The following NUDT5 variants were observed in gnomAD, a reference collection of about 807,000 sequenced individuals.
The protein encoded by NUDT5 is nudix hydrolase 5.
A neutral mutation model predicts 34.1 loss-of-function variants in NUDT5; 21 were observed. The observed-to-expected ratio is 0.62, with a 90% confidence interval of 0.44 to 0.89. The LOEUF (loss-of-function observed/expected upper bound fraction) is 0.89, where lower values mean the gene tolerates loss of function less well. Ranked by LOEUF, NUDT5 falls within the 40% of genes least tolerant of loss-of-function variation. The probability of loss-of-function intolerance (pLI) is 0.00; values close to 1 mark genes in which losing one functional copy is unlikely to be tolerated. For synonymous variants in NUDT5, 85 were observed against 97.6 expected (o/e 0.87, Z 0.76); for missense variants, 249 against 274.8 (o/e 0.91, Z 0.66).
At position 12,173,006 on chromosome 10, in the gene NUDT5, G is replaced by C. The variant is rs1834885395; in HGVS notation, c.386-140C>G. 1.4e-5 allele frequency: 9 copies of C among 634,490 alleles called. No individual in the cohort carries two copies. Among genetic ancestry groups the C allele is most frequent in the East Asian group, 2.8e-5 (1 of 36,206 alleles). 39.3% of individuals were successfully genotyped at this position (634,490 alleles called of 1,614,324 possible). A position where few individuals can be genotyped will look rare whatever the true frequency, so the allele number is the denominator to read the frequency against. On this transcript the variant is annotated intron_variant, in intron 6 of 9. Transcript: ENST00000491614. This position sits in a 1 kb window ranked among gnomAD's most constrained non-coding sequence, Gnocchi z 4.7. The stretch of plus-strand genomic sequence containing the variant: ...AACTAGTTCTCACATTTGGTAGGCA[G>C]ATCTGCAGGCTGCAAAGCATCTGGG...
At chr10:12,189,717 G>A (rs956165425) in intron 1 of NUDT5, among the ~76,000 whole-genome samples, 7 of 152,174 alleles carry the variant, frequency 4.6e-5, no homozygotes, top group African/African-American at 1.4e-4. Flanking sequence ...GTAAGCCAGC[G>A]TCTCCGCCAC....
chr10:12,186,714 GC>G (rs1365949037), intron 1 of NUDT5, among the ~76,000 whole-genome samples: 1 of 149,806 alleles, frequency 6.7e-6, no homozygotes, highest in Non-Finnish European at 1.5e-5. Flanking sequence ...TGCAACCTCC[GC>G]CTCCTGGGTT....
chr10:12,178,288 C>A (rs764585292), intron 4 of NUDT5, among the ~76,000 whole-genome samples: 1 of 151,498 alleles, frequency 6.6e-6, no homozygotes, highest in Non-Finnish European at 1.5e-5. Context: ...CAACTTTGAG[C>A]AAGAAATCAA....
Position 12,169,999 on chromosome 10 carries a change from C to A in NUDT5, c.550+718G>T. On this transcript the variant is annotated intron_variant, in intron 9 of 9. Coordinates refer to ENST00000491614, the MANE Select transcript of NUDT5 (RefSeq NM_014142.4). This position sits in a 1 kb window ranked among gnomAD's most constrained non-coding sequence, Gnocchi z 4.8. ...TTCTAGATGAGTGAAAGGGATTTGCCAGCCCATACAGAGGTGCTCCTTGAA... is the reference window on the plus strand; with the variant it reads ...TTCTAGATGAGTGAAAGGGATTTGCAAGCCCATACAGAGGTGCTCCTTGAA... 1.1e-6 allele frequency: 1 copy of A among 894,580 alleles called. No homozygotes were observed. Among genetic ancestry groups the A allele is most frequent in the Non-Finnish European group, 1.8e-6 (1 of 564,296 alleles). 55.4% of individuals were successfully genotyped at this position (894,580 alleles called of 1,614,324 possible). A position where few individuals can be genotyped will look rare whatever the true frequency, so the allele number is the denominator to read the frequency against.
intron 3 of NUDT5, among the ~76,000 whole-genome samples, chr10:12,183,601 C>T (rs1031166244): frequency 4.6e-5 from 7 of 152,154 alleles, no homozygotes; most frequent in African/African-American, 1.7e-4. Context: ...AAATTTCATC[C>T]TCATTCTGTT....
chr10:12,177,551 G>A (rs964202190), intron 5 of NUDT5, among the ~76,000 whole-genome samples: 3 of 152,146 alleles, frequency 2.0e-5, no homozygotes, highest in Non-Finnish European at 4.4e-5. Flanking sequence ...AAAAAAGGCT[G>A]GAGGCAGCAT....
intron 9 of NUDT5, 35 bp from the exon 10 acceptor site, chr10:12,167,846 C>A: frequency 6.2e-7 from 1 of 1,610,524 alleles, no homozygotes; most frequent in South Asian, 1.1e-5. Flanking sequence ...TAGATCATGC[C>A]GTTAAGGAAG....
Position 12,173,181 on chromosome 10 carries a change from T to C in NUDT5, c.386-315A>G, listed in dbSNP as rs2399786. Reference sequence around the variant, plus strand: ...GCACATGCATGAGATGGGTGAGCAATAAAACTCAGGGGGTAGGAAATTCCT... The same window carrying C: ...GCACATGCATGAGATGGGTGAGCAACAAAACTCAGGGGGTAGGAAATTCCT... On this transcript the variant is annotated intron_variant, in intron 6 of 9. Coordinates refer to ENST00000491614, the MANE Select transcript of NUDT5 (RefSeq NM_014142.4). The surrounding 1 kb of genome is among the most constrained non-coding windows in gnomAD (Gnocchi z 4.7). Among the ~76,000 whole-genome samples, 78,860 of 152,030 alleles carry C rather than the reference T, an allele frequency of 0.52. 20,598 individuals are homozygous for C. The highest frequency in any genetic ancestry group is 0.63 in the South Asian group (3,025 of 4,826).
chr10:12,179,144 G>C lies in NUDT5; in HGVS notation c.132-12C>G, dbSNP rs771725877. 6.2e-7 allele frequency: 1 copy of C among 1,608,686 alleles called. No individual in the cohort carries two copies. Among genetic ancestry groups the C allele is most frequent in the Non-Finnish European group, 8.5e-7 (1 of 1,178,338 alleles). On this transcript the variant is annotated splice_polypyrimidine_tract_variant and intron_variant, in intron 3 of 9. Transcript: ENST00000491614. ...CTGATTCCCAAGTTCTGTTCAGGCA[G>C]AGAAGAAAAAAAAGTCATTAGTGCT...
At chr10:12,172,573 G>T in intron 7 of NUDT5, 192 bp downstream of exon 7, 1 of 597,134 alleles carries the variant, frequency 1.7e-6, no homozygotes, top group Non-Finnish European at 3.0e-6. Context: ...AAAGCGTAAA[G>T]ATGAATGAAG....
rs781682171 is a variant in NUDT5, at chr10:12,166,115, T to C, written c.*1587A>G. ...AGGGATACATTCTAGGATTTGGCTCTGACTTCTAAGTTGCACTCTTAGGAA... is the reference window on the plus strand; with the variant it reads ...AGGGATACATTCTAGGATTTGGCTCCGACTTCTAAGTTGCACTCTTAGGAA... On this transcript the variant is annotated 3_prime_UTR_variant, in exon 10 of 10. Coordinates refer to ENST00000491614, the MANE Select transcript of NUDT5 (RefSeq NM_014142.4). 5.3e-5 allele frequency: 8 copies of C among 152,272 alleles called. No homozygotes were observed. Among genetic ancestry groups the C allele is most frequent in the Non-Finnish European group, 8.8e-5 (6 of 68,048 alleles). 9.4% of individuals were successfully genotyped at this position (152,272 alleles called of 1,614,324 possible).
In NUDT5 at chr10:12,169,527, G is replaced by A. The variant is rs905176456; in HGVS notation, c.550+1190C>T. On this transcript the variant is annotated intron_variant, in intron 9 of 9. Transcript: ENST00000491614. The surrounding 1 kb of genome is among the most constrained non-coding windows in gnomAD (Gnocchi z 4.8). ...CTGTGACTCCGAGCTGCGCTGCCTC[G>A]TATTGATTGTCATGCCTTTCTCCAA... 3 of 493,272 alleles carry A rather than the reference G, an allele frequency of 6.1e-6. No individual in the cohort carries two copies. The highest frequency in any genetic ancestry group is 2.0e-5 in the African/African-American group (1 of 50,794). 30.6% of individuals were successfully genotyped at this position (493,272 alleles called of 1,614,324 possible).
chr10:12,166,934 A>T lies in NUDT5; in HGVS notation c.*768T>A, dbSNP rs1265114094. 3.6e-6 allele frequency: 1 copy of T among 279,750 alleles called. No individual in the cohort carries two copies. The highest frequency in any genetic ancestry group is 7.4e-6 in the Non-Finnish European group (1 of 134,496). The allele number at this position is 279,750 out of a possible 1,614,324, so 17.3% of individuals were successfully genotyped here. Reference sequence around the variant, plus strand: ...TTGCTGGTTCTGTTCATGGTTTAACATCAAGATATTACTGCCCCAAACATG... The same window carrying T: ...TTGCTGGTTCTGTTCATGGTTTAACTTCAAGATATTACTGCCCCAAACATG... On this transcript the variant is annotated 3_prime_UTR_variant, in exon 10 of 10. Transcript: ENST00000491614.
Position 12,192,655 on chromosome 10 carries a change from C to G in NUDT5, c.-42+3115G>C, listed in dbSNP as rs1284423915. Among the ~76,000 whole-genome samples, 4 of 151,872 alleles carry G rather than the reference C, an allele frequency of 2.6e-5. No homozygotes were observed. The East Asian group carries it at 7.7e-4, about 29-fold the overall frequency. ...GATCACTTGAGGTCAGGAGTTCGAG[C>G]CTAACCAACATAGTGAAACCCCCAT... is the stretch of plus-strand genomic sequence containing the variant. On this transcript the variant is annotated intron_variant, in intron 1 of 9. Coordinates refer to ENST00000491614, the MANE Select transcript of NUDT5 (RefSeq NM_014142.4).
At chr10:12,184,362 T>A in intron 3 of NUDT5, 15 of 600,626 alleles carry the variant, frequency 2.5e-5, no homozygotes, top group Non-Finnish European at 3.5e-5. Flanking sequence ...CACCTGGCCC[T>A]TAACACTTTG....
intron 1 of NUDT5, among the ~76,000 whole-genome samples, chr10:12,190,266 C>G (rs1835200842): frequency 6.6e-6 from 1 of 152,158 alleles, no homozygotes; most frequent in South Asian, 2.1e-4. Context: ...ATCGTTTTAA[C>G]TCAGTTCAGT....
intron 1 of NUDT5, among the ~76,000 whole-genome samples, chr10:12,194,505 A>C (rs11257589): frequency 0.084 from 12,740 of 152,294 alleles, 618 homozygotes; most frequent in Non-Finnish European, 0.12. Flanking sequence ...ATGACTGTCC[A>C]TCCCCACCAA....
At chr10:12,179,930 C>T (rs574839905) in intron 3 of NUDT5, among the ~76,000 whole-genome samples, 1 of 152,318 alleles carries the variant, frequency 6.6e-6, no homozygotes, top group African/African-American at 2.4e-5. Context: ...TCTCTTCTCC[C>T]TACAACAGAA....
At position 12,173,747 on chromosome 10, in the gene NUDT5, T is replaced by C; in HGVS notation, c.356A>G (p.Tyr119Cys). ...ALRELEEETG[Y>C]KGDIAECSPA... ...AGAACATTCGGCAATGTCCCCTTTG[T>C]AGCCAGTTTCTTCTTCAAGCTCCCG... is the stretch of plus-strand genomic sequence containing the variant. Residue 119 changes from tyrosine to cysteine, a missense_variant, in exon 6 of 10, where the codon TAC becomes TGC. Tyr to Cys is a radical substitution (Grantham distance 194, BLOSUM62 -2). Coordinates refer to ENST00000491614, the MANE Select transcript of NUDT5 (RefSeq NM_014142.4). The surrounding 1 kb of genome is among the most constrained non-coding windows in gnomAD (Gnocchi z 4.7). 1 of 1,614,040 alleles carries C rather than the reference T, an allele frequency of 6.2e-7. No homozygotes were observed. Among genetic ancestry groups the C allele is most frequent in the Non-Finnish European group, 8.5e-7 (1 of 1,179,890 alleles).
Sources: allele counts gnomAD v4.1 joint callset (sites outside exome capture counted in the v4.1 genomes callset), GRCh38; gene constraint gnomAD v4.1.1; non-coding constraint Gnocchi (gnomAD v3.1); transcripts MANE v1.5; gene names NCBI Gene and HGNC (gene_info 2026-07-23, HGNC 2026-07-21).